Variants in MASP1 observed in about 807,000 individuals in gnomAD.
MASP1 encodes the protein mannan-binding lectin serine protease 1.
A neutral mutation model predicts 77.1 loss-of-function variants in MASP1; 59 were observed. That is an observed-to-expected ratio of 0.77 (90% CI 0.62 to 0.95). The LOEUF (loss-of-function observed/expected upper bound fraction) is 0.95, where lower values mean the gene tolerates loss of function less well. MASP1 is among the 40% of genes least tolerant of loss of function. MASP1 has a pLI of 0.00. For missense variants in MASP1, 885 were observed against 912.9 expected (o/e 0.97, Z 0.39); for synonymous variants, 362 against 354.5 (o/e 1.02, Z -0.24).
At chr3:187,240,937 A>G (rs1483228106) in intron 10 of MASP1, among the ~76,000 whole-genome samples, 1 of 152,166 alleles carries the variant, frequency 6.6e-6, no homozygotes, top group Non-Finnish European at 1.5e-5. Flanking sequence ...CGCTTGGCCT[A>G]TACTTTTAAT....
At chr3:187,219,970 G>T in exon 16 of MASP1, 1 of 1,233,748 alleles carries the variant, frequency 8.1e-7, no homozygotes, top group African/African-American at 1.5e-5. Context: ...CGAAGGAGGG[G>T]GGATGGGAGG....
chr3:187,290,257 G>T (rs2108619421), intron 1 of MASP1, among the ~76,000 whole-genome samples: 1 of 152,284 alleles, frequency 6.6e-6, no homozygotes, highest in African/African-American at 2.4e-5. Context: ...TGGTGGTCAG[G>T]AGAGAGAAAG....
downstream of MASP1, among the ~76,000 whole-genome samples, chr3:187,230,573 TCTC>T (rs1164678656): frequency 6.6e-6 from 1 of 152,208 alleles, no homozygotes; most frequent in African/African-American, 2.4e-5. Flanking sequence ...ATGAATCTTG[TCTC>T]CTCAGAGAAG....
intron 2 of MASP1, among the ~76,000 whole-genome samples, chr3:187,272,889 T>C (rs1716637982): frequency 6.6e-6 from 1 of 152,230 alleles, no homozygotes; most frequent in African/African-American, 2.4e-5. Flanking sequence ...GAAACTAATA[T>C]TCTCTGTATA....
At chr3:187,220,983 C>T in intron 15 of MASP1, 1 of 1,492,058 alleles carries the variant, frequency 6.7e-7, no homozygotes, top group East Asian at 2.3e-5. Flanking sequence ...GCTGGCTCTG[C>T]ACCACTCCCT....
At position 187,235,831 on chromosome 3, in the gene MASP1, C is replaced by A; in HGVS notation, c.2040G>T (p.Val680=). The A allele has an allele frequency of 3.1e-6, 5 of 1,614,240 alleles. No individual in the cohort carries two copies. Among genetic ancestry groups the A allele is most frequent in the Non-Finnish European group, 3.4e-6 (4 of 1,180,030 alleles). ...GTCCCCCCCAGGACACCAGGCCTTG[C>A]ACCACCCAGCGCTGGCTCAAGTCAT... is the stretch of plus-strand genomic sequence containing the variant. ...IFDDLSQRWV[V]QGLVSWGGPE... The change falls in exon 11 of 11, where the codon GTG becomes GTT. Residue 680 remains valine (V), a synonymous_variant. Transcript: ENST00000296280.
intron 10 of MASP1, among the ~76,000 whole-genome samples, chr3:187,238,077 C>G (rs1430553748): frequency 6.6e-6 from 1 of 152,212 alleles, no homozygotes; most frequent in Non-Finnish European, 1.5e-5. Flanking sequence ...AAGGCAACAT[C>G]TCAATGCAGC....
At chr3:187,220,465 C>CT (rs1553850034) in intron 15 of MASP1, among the ~76,000 whole-genome samples, 14 of 149,198 alleles carry the variant, frequency 9.4e-5, no homozygotes, top group Non-Finnish European at 1.0e-4. Context: ...AGACCTCTTT[C>CT]TTTCTTTTCT....
intron 3 of MASP1, 94 bp from the exon 4 acceptor site, chr3:187,260,966 T>C: frequency 7.2e-7 from 1 of 1,385,400 alleles, no homozygotes; most frequent in Non-Finnish European, 1.0e-6. Flanking sequence ...CCACTCACTA[T>C]GTTAGGAGAT....
chr3:187,235,667 C>A lies in MASP1; in HGVS notation c.*17G>T. 6.2e-7 allele frequency: 1 copy of A among 1,613,714 alleles called. No individual in the cohort carries two copies. The highest frequency in any genetic ancestry group is 8.5e-7 in the Non-Finnish European group (1 of 1,180,026). ...AGCTTCGCTCAGGGGAGGCAGGCCC[C>A]GAGGAAGTAAGTCAGCTCACCGTTC... On this transcript the variant is annotated 3_prime_UTR_variant, in exon 11 of 11. Coordinates refer to ENST00000296280, the MANE Select transcript of MASP1 (RefSeq NM_139125.4).
intron 11 of MASP1, among the ~76,000 whole-genome samples, chr3:187,227,194 C>T (rs925782984): frequency 6.6e-6 from 1 of 152,136 alleles, no homozygotes; most frequent in Non-Finnish European, 1.5e-5. Flanking sequence ...TCTACTGCTG[C>T]CAGGGTGGAG....
intron 9 of MASP1, chr3:187,242,845 G>C (rs1418356264): frequency 2.5e-5 from 4 of 160,392 alleles, no homozygotes; most frequent in African/African-American, 7.2e-5. Context: ...GGCATGGATG[G>C]GGCCTGGACA....
At chr3:187,256,449 C>T (rs1273474557) in intron 5 of MASP1, 3 of 604,316 alleles carry the variant, frequency 5.0e-6, no homozygotes, top group Admixed American at 2.7e-5. Flanking sequence ...CCTCCTCAAG[C>T]CACCCTAGTG....
intron 15 of MASP1, among the ~76,000 whole-genome samples, chr3:187,220,492 C>CTTTTTTTTTTTTTTTTTTTTTTTTT (rs747532550): frequency 3.7e-5 from 5 of 134,564 alleles, no homozygotes; most frequent in Admixed American, 7.4e-5. Flanking sequence ...TTTCTTTTTT[C>CTTTTTTTTTTTTTTTTTTTTTTTTT]TTTCTTTTTT....
At chr3:187,290,405 T>G (rs1435979695) in intron 1 of MASP1, among the ~76,000 whole-genome samples, 3 of 152,208 alleles carry the variant, frequency 2.0e-5, no homozygotes, top group African/African-American at 7.2e-5. Context: ...GCTGGGGCAC[T>G]GAATGGTAGG....
intron 2 of MASP1, among the ~76,000 whole-genome samples, chr3:187,266,677 G>A (rs533496711): frequency 3.0e-4 from 45 of 152,270 alleles, no homozygotes; most frequent in East Asian, 1.9e-3. Flanking sequence ...ATTACCTGGC[G>A]TCAGAAAGGG....
Position 187,236,586 on chromosome 3 carries a change from A to G in MASP1, c.1304-19T>C. On this transcript the variant is annotated intron_variant, in intron 10 of 10. Coordinates refer to ENST00000296280, the MANE Select transcript of MASP1 (RefSeq NM_139125.4). ...CCACACTCTGTAAGGAGAAAGAGGG[A>G]GCAGGGACAAGAGACAGAGACTGGT... The G allele has an allele frequency of 6.2e-7, 1 of 1,613,612 alleles. No individual in the cohort carries two copies. The highest frequency in any genetic ancestry group is 1.1e-5 in the South Asian group (1 of 91,086).
Position 187,243,520 on chromosome 3 carries a change from G to T in MASP1, c.1192C>A (p.Gln398Lys). 6 of 1,614,072 alleles carry T rather than the reference G, an allele frequency of 3.7e-6. No individual in the cohort carries two copies. The highest frequency in any genetic ancestry group is 5.1e-6 in the Non-Finnish European group (6 of 1,179,942). ...TYKSEIKYSC[Q>K]EPYYKMLNNN... ...TTGAGCATCTTGTAATAGGGCTCCT[G>T]ACAGGAGTATTTGATCTCAGACTTG... Residue 398 changes from glutamine (Q) to lysine (K), a missense_variant, in exon 9 of 11, where the codon CAG becomes AAG. By Grantham distance (53) the Gln-to-Lys change is moderately conservative (BLOSUM62 1). Transcript: ENST00000296280.
chr3:187,260,414 AG>A (rs1348507044), intron 4 of MASP1, among the ~76,000 whole-genome samples: 1 of 152,226 alleles, frequency 6.6e-6, no homozygotes, highest in Non-Finnish European at 1.5e-5. Context: ...CTCAAAGAGA[AG>A]GAACTGGGAA....
Sources: gnomAD v4.1 joint callset for allele counts (sites outside exome capture counted in the v4.1 genomes callset) on GRCh38, gnomAD v4.1.1 for gene constraint, MANE v1.5 for transcripts, NCBI Gene and HGNC (gene_info 2026-07-23, HGNC 2026-07-21) for gene names.